Variants in DLGAP1 observed in about 807,000 individuals in gnomAD.
The protein encoded by DLGAP1 is DLG associated protein 1, also known as disks large-associated protein 1.
DLGAP1 carries 11 observed loss-of-function variants against 90.8 expected under a neutral mutation model. The observed-to-expected ratio is 0.12, with a 90% confidence interval of 0.08 to 0.20. DLGAP1 has a LOEUF of 0.20. DLGAP1 is among the 10% of genes least tolerant of loss of function. The pLI, the probability that DLGAP1 is intolerant of heterozygous loss-of-function variation, is 1.00. For synonymous variants in DLGAP1, 558 were observed against 540.7 expected, an observed-to-expected ratio of 1.03 and a Z score of -0.44; for missense variants, 1,050 against 1,333.8, an observed-to-expected ratio of 0.79 and a Z score of 3.31.
At chr18:3,894,746 G>A (rs1386656461) in intron 3 of DLGAP1, 1 of 152,118 alleles carries the variant, frequency 6.6e-6, no homozygotes, top group Non-Finnish European at 1.5e-5. Flanking sequence ...TTGTGCAGGG[G>A]CCATGCTAAT....
intron 6 of DLGAP1, among the ~76,000 whole-genome samples, chr18:3,733,749 T>C (rs2147519748): frequency 6.6e-6 from 1 of 152,332 alleles, no homozygotes; most frequent in South Asian, 2.1e-4. Flanking sequence ...TCATCCATGC[T>C]TATAACAGTT....
intron 1 of DLGAP1, among the ~76,000 whole-genome samples, chr18:4,151,527 T>C (rs554868328): frequency 1.8e-4 from 27 of 152,338 alleles, no homozygotes; most frequent in Non-Finnish European, 3.4e-4. Flanking sequence ...ATAAATAGGC[T>C]TGATATTCTA....
At chr18:4,166,298 A>G (rs2090837) in intron 1 of DLGAP1, among the ~76,000 whole-genome samples, 16,016 of 152,274 alleles carry the variant, frequency 0.11, 1,051 homozygotes, top group East Asian at 0.27. Flanking sequence ...CACTAGGGAA[A>G]TGAAAATCAA....
chr18:4,168,355 A>T (rs140178065), intron 1 of DLGAP1, among the ~76,000 whole-genome samples: 2 of 152,334 alleles, frequency 1.3e-5, no homozygotes, highest in Non-Finnish European at 2.9e-5. Flanking sequence ...TTTTTCAGCA[A>T]ATATTGCTGA....
intron 2 of DLGAP1, among the ~76,000 whole-genome samples, chr18:4,030,968 G>A (rs980715237): frequency 6.6e-6 from 1 of 151,974 alleles, no homozygotes; most frequent in Non-Finnish European, 1.5e-5. Context: ...TTTCACAAAC[G>A]GTAGCTGTTC....
intron 2 of DLGAP1, among the ~76,000 whole-genome samples, chr18:4,034,230 T>C (rs1397769568): frequency 2.0e-5 from 3 of 151,416 alleles, no homozygotes; most frequent in Non-Finnish European, 2.9e-5. Context: ...TTAGTAGAGA[T>C]GGGGTTTCAC....
Position 4,057,060 on chromosome 18 carries a change from C to T in DLGAP1, c.-158-51859G>A, listed in dbSNP as rs1039697965. ...ACACACACACACACACACACACACA[C>T]ATTACAGCAGGTAGTTAGACAGACA... On this transcript the variant is annotated intron_variant, in intron 2 of 12. Transcript: ENST00000315677. Among the ~76,000 whole-genome samples, 39 of 126,432 alleles carry T rather than the reference C, an allele frequency of 3.1e-4. 1 individual carries two copies. The highest frequency in any genetic ancestry group is 9.3e-4 in the African/African-American group (31 of 33,294). 82.9% of individuals were successfully genotyped at this position (126,432 alleles called of 152,430 possible). A position where few individuals can be genotyped will look rare whatever the true frequency, so the allele number is the denominator to read the frequency against.
At chr18:4,202,245 A>G (rs1232411779) in intron 1 of DLGAP1, among the ~76,000 whole-genome samples, 2 of 152,154 alleles carry the variant, frequency 1.3e-5, no homozygotes, top group African/African-American at 4.8e-5. Flanking sequence ...AAGTGAAGTA[A>G]CTCAGGAATG....
chr18:3,751,004 C>T (rs1422644268), intron 5 of DLGAP1, among the ~76,000 whole-genome samples: 1 of 152,146 alleles, frequency 6.6e-6, no homozygotes, highest in Admixed American at 6.5e-5. Flanking sequence ...CACACTTTTC[C>T]CATTGTTGTA....
intron 9 of DLGAP1, among the ~76,000 whole-genome samples, chr18:3,554,183 C>A (rs2053625952): frequency 6.6e-6 from 1 of 152,100 alleles, no homozygotes; most frequent in Non-Finnish European, 1.5e-5. Flanking sequence ...TGGGGACCAT[C>A]AAAAGGATGA....
intron 4 of DLGAP1, among the ~76,000 whole-genome samples, chr18:3,850,047 A>G (rs1044992367): frequency 1.3e-5 from 2 of 152,208 alleles, no homozygotes; most frequent in Non-Finnish European, 2.9e-5. Flanking sequence ...AGTCAAACAC[A>G]TACATTCTGC....
chr18:4,030,348 T>C (rs1446338751), intron 2 of DLGAP1, among the ~76,000 whole-genome samples: 1 of 152,224 alleles, frequency 6.6e-6, no homozygotes, highest in Non-Finnish European at 1.5e-5. Flanking sequence ...AAGAAAATCA[T>C]ATATGGCAGA....
chr18:4,047,190 C>T (rs1423812162), intron 2 of DLGAP1, among the ~76,000 whole-genome samples: 1 of 152,202 alleles, frequency 6.6e-6, no homozygotes, highest in Non-Finnish European at 1.5e-5. Context: ...ACTCCCGGAG[C>T]TTCCTGTCTT....
intron 7 of DLGAP1, among the ~76,000 whole-genome samples, chr18:3,633,182 G>A (rs946797119): frequency 1.3e-5 from 2 of 152,074 alleles, no homozygotes; most frequent in African/African-American, 2.4e-5. Context: ...CAAATCATTC[G>A]GTCAAGACAT....
At chr18:3,795,418 C>T (rs1271555403) in intron 5 of DLGAP1, among the ~76,000 whole-genome samples, 1 of 152,074 alleles carries the variant, frequency 6.6e-6, no homozygotes, top group African/African-American at 2.4e-5. Context: ...TGGGTTCAAG[C>T]GATTCTCCTG....
intron 7 of DLGAP1, among the ~76,000 whole-genome samples, chr18:3,586,513 C>T (rs373307003): frequency 5.4e-4 from 82 of 151,564 alleles, no homozygotes; most frequent in African/African-American, 1.9e-3. Context: ...CAACTACAGA[C>T]GGGATCTCAC....
intron 9 of DLGAP1, among the ~76,000 whole-genome samples, chr18:3,541,535 ATCCAAAGC>A (rs2052692441): frequency 6.6e-6 from 1 of 152,200 alleles, no homozygotes; most frequent in African/African-American, 2.4e-5. Context: ...GTGGGGACTG[ATCCAAAGC>A]TCCTGGGTTG....
intron 7 of DLGAP1, among the ~76,000 whole-genome samples, chr18:3,584,369 T>G (rs999615017): frequency 6.9e-6 from 1 of 145,744 alleles, no homozygotes; most frequent in African/African-American, 2.5e-5. Context: ...AGCTGCCAAC[T>G]CAGGCCATCT....
At chr18:4,419,927 C>T (rs561707049) in intron 1 of DLGAP1, among the ~76,000 whole-genome samples, 7 of 152,126 alleles carry the variant, frequency 4.6e-5, no homozygotes, top group African/African-American at 1.7e-4. Flanking sequence ...TATATGCTGT[C>T]CACAAGAAAC....
Sources: allele counts gnomAD v4.1 joint callset (sites outside exome capture counted in the v4.1 genomes callset), GRCh38; gene constraint gnomAD v4.1.1; transcripts MANE v1.5; gene names NCBI Gene and HGNC (gene_info 2026-07-23, HGNC 2026-07-21).